Variants in CTTNBP2 observed in about 807,000 individuals in gnomAD.
CTTNBP2 encodes cortactin-binding protein 2.
A neutral mutation model predicts 156.9 loss-of-function variants in CTTNBP2; 108 were observed. The ratio of observed to expected loss-of-function variants is 0.69; its 90% CI spans 0.59 to 0.81. CTTNBP2 has a LOEUF of 0.81. CTTNBP2 is among the 30% of genes least tolerant of loss of function. The pLI is 0.00. For synonymous variants in CTTNBP2, 767 were observed against 751.8 expected (o/e 1.02, Z -0.33); for missense variants, 1,924 against 2,035.4 (o/e 0.95, Z 1.05).
At chr7:117,819,299 G>A (rs914908102) in intron 2 of CTTNBP2, among the ~76,000 whole-genome samples, 1 of 151,914 alleles carries the variant, frequency 6.6e-6, no homozygotes, top group African/African-American at 2.4e-5. Context: ...CGCTCTAAGA[G>A]GGGTTGAATA....
At chr7:117,790,900 G>T (rs1214749513) in intron 4 of CTTNBP2, among the ~76,000 whole-genome samples, 1 of 151,798 alleles carries the variant, frequency 6.6e-6, no homozygotes, top group Non-Finnish European at 1.5e-5. Context: ...TATCTTAAAT[G>T]AAGAAAGCAC....
At chr7:117,713,307 A>G (rs1712185254) in intron 22 of CTTNBP2, among the ~76,000 whole-genome samples, 2 of 152,124 alleles carry the variant, frequency 1.3e-5, no homozygotes, top group African/African-American at 2.4e-5. Flanking sequence ...AGTATTTCCC[A>G]AAGTTCTTTC....
Position 117,801,733 on chromosome 7 carries a change from G to A in CTTNBP2, c.415-8952C>T, listed in dbSNP as rs561053976. 9.9e-5 allele frequency among the ~76,000 whole-genome samples: 15 copies of A among 152,124 alleles called. No individual in the cohort carries two copies. In the South Asian group the frequency reaches 1.7e-3, roughly 17 times the overall value. ...TTGGAAAAAACATCTGTGTGTGTGC[G>A]CTCACGCATGTATGTGTGTAAAGGA... On this transcript the variant is annotated intron_variant, in intron 3 of 22. Coordinates refer to ENST00000160373, the MANE Select transcript of CTTNBP2 (RefSeq NM_033427.3).
At chr7:117,742,338 C>G (rs1329645576) in intron 14 of CTTNBP2, among the ~76,000 whole-genome samples, 1 of 152,154 alleles carries the variant, frequency 6.6e-6, no homozygotes. Context: ...AGTGGAAAAG[C>G]AAAGGATACA....
chr7:117,750,629 A>G (rs1449608905), intron 12 of CTTNBP2, among the ~76,000 whole-genome samples: 4 of 152,196 alleles, frequency 2.6e-5, no homozygotes, highest in Non-Finnish European at 5.9e-5. Flanking sequence ...AATTCTGAAC[A>G]ACAACAAAAA....
At chr7:117,720,820 T>G (rs1659814103) in intron 20 of CTTNBP2, among the ~76,000 whole-genome samples, 1 of 152,230 alleles carries the variant, frequency 6.6e-6, no homozygotes, top group Non-Finnish European at 1.5e-5. Context: ...CTAACCTTAT[T>G]CAACAAATTA....
chr7:117,778,964 A>G (rs1798256546), intron 7 of CTTNBP2, among the ~76,000 whole-genome samples: 1 of 152,246 alleles, frequency 6.6e-6, no homozygotes, highest in South Asian at 2.1e-4. Flanking sequence ...GGCAATAAAT[A>G]CGAACAATCT....
chr7:117,823,848 T>C (rs1266042166), intron 2 of CTTNBP2, among the ~76,000 whole-genome samples: 1 of 151,978 alleles, frequency 6.6e-6, no homozygotes. Context: ...ACAGCACCAC[T>C]ACTGGCTAAT....
At chr7:117,797,647 T>C (rs1799390436) in intron 3 of CTTNBP2, among the ~76,000 whole-genome samples, 1 of 152,148 alleles carries the variant, frequency 6.6e-6, no homozygotes, top group African/African-American at 2.4e-5. Flanking sequence ...ATAAGTGTAA[T>C]ATCTAAACTG....
intron 1 of CTTNBP2, among the ~76,000 whole-genome samples, chr7:117,867,306 A>C (rs979224066): frequency 6.6e-6 from 1 of 152,166 alleles, no homozygotes; most frequent in Non-Finnish European, 1.5e-5. Context: ...TCTTCAGCAC[A>C]TAGCTCAAAC....
At chr7:117,716,497 G>T (rs1794386410) in intron 22 of CTTNBP2, among the ~76,000 whole-genome samples, 1 of 152,098 alleles carries the variant, frequency 6.6e-6, no homozygotes, top group Non-Finnish European at 1.5e-5. Context: ...GTCAAGCACA[G>T]CTCAGAGCAA....
At chr7:117,827,776 G>A (rs1801375922) in intron 2 of CTTNBP2, among the ~76,000 whole-genome samples, 1 of 152,192 alleles carries the variant, frequency 6.6e-6, no homozygotes, top group Non-Finnish European at 1.5e-5. Context: ...GTAGTTTCTT[G>A]TCTACTAGGG....
At chr7:117,787,047 T>G (rs995752891) in intron 4 of CTTNBP2, among the ~76,000 whole-genome samples, 1 of 152,212 alleles carries the variant, frequency 6.6e-6, no homozygotes, top group Non-Finnish European at 1.5e-5. Context: ...ATGTTTTATA[T>G]CTTCACTAAC....
intron 3 of CTTNBP2, among the ~76,000 whole-genome samples, chr7:117,799,650 A>G (rs1284262759): frequency 3.3e-5 from 5 of 152,080 alleles, no homozygotes; most frequent in Admixed American, 1.3e-4. Flanking sequence ...AGTCACTGCA[A>G]TAATTCCAGG....
chr7:117,755,955 G>A (rs1348077119), intron 12 of CTTNBP2, among the ~76,000 whole-genome samples: 1 of 152,148 alleles, frequency 6.6e-6, no homozygotes, highest in Non-Finnish European at 1.5e-5. Flanking sequence ...TGGGAGTGGT[G>A]ACTACCTTTG....
At chr7:117,859,698 A>G (rs555763633) in intron 2 of CTTNBP2, among the ~76,000 whole-genome samples, 1 of 152,302 alleles carries the variant, frequency 6.6e-6, no homozygotes, top group East Asian at 1.9e-4. Flanking sequence ...AGCAATACAG[A>G]TGTTCTCAAT....
intron 12 of CTTNBP2, among the ~76,000 whole-genome samples, chr7:117,747,700 G>A (rs570929216): frequency 6.6e-5 from 10 of 152,338 alleles, no homozygotes; most frequent in Non-Finnish European, 1.2e-4. Context: ...TTGAACCCGG[G>A]AGGTGGAGGT....
chr7:117,787,237 C>A, intron 4 of CTTNBP2, among the ~76,000 whole-genome samples: 1 of 152,178 alleles, frequency 6.6e-6, no homozygotes, highest in East Asian at 1.9e-4. Flanking sequence ...GGTATTCATA[C>A]AGCTACTCTA....
intron 1 of CTTNBP2, among the ~76,000 whole-genome samples, chr7:117,865,873 A>G (rs571169073): frequency 6.7e-6 from 1 of 149,152 alleles, no homozygotes; most frequent in Non-Finnish European, 1.5e-5. Context: ...CAAGTCATAT[A>G]TATTAATTTA....
Sources: allele counts gnomAD v4.1 joint callset (sites outside exome capture counted in the v4.1 genomes callset), GRCh38; gene constraint gnomAD v4.1.1; transcripts MANE v1.5; gene names NCBI Gene and HGNC (gene_info 2026-07-23, HGNC 2026-07-21).